Variants in ATOSA observed in about 807,000 individuals in gnomAD.
ATOSA encodes atos homolog protein A.
At chr15:52,642,530 GACTA>G in the ATOSA span, among the ~76,000 whole-genome samples, 2 of 152,204 alleles carry the variant, frequency 1.3e-5, no homozygotes, top group African/African-American at 4.8e-5. Context: ...CACAAGCACA[GACTA>G]ACTCTTACAT....
the ATOSA span, chr15:52,651,933 G>A: frequency 1.6e-5 from 24 of 1,535,162 alleles, no homozygotes; most frequent in African/African-American, 2.7e-5. Flanking sequence ...AAAGGAAGTT[G>A]CCTTCTGGCT....
the ATOSA span, chr15:52,649,716 C>T: frequency 6.6e-6 from 1 of 151,992 alleles, no homozygotes; most frequent in African/African-American, 2.4e-5. Flanking sequence ...AAATAATAGA[C>T]AAATCCAAAA....
chr15:52,678,010 G>A, the ATOSA span: 50 of 1,613,852 alleles, frequency 3.1e-5, no homozygotes, highest in Non-Finnish European at 4.1e-5. Flanking sequence ...ATTTACCTCG[G>A]TCTGGCTTCA....
At chr15:52,675,926 A>G in the ATOSA span, among the ~76,000 whole-genome samples, 1 of 151,898 alleles carries the variant, frequency 6.6e-6, no homozygotes, top group Non-Finnish European at 1.5e-5. Flanking sequence ...AAGAAAAAGA[A>G]AAAAAAAGAG....
chr15:52,653,536 A>G, the ATOSA span, among the ~76,000 whole-genome samples: 1 of 152,174 alleles, frequency 6.6e-6, no homozygotes, highest in African/African-American at 2.4e-5. Flanking sequence ...TGACTCAGAG[A>G]AAGAATGGCA....
At chr15:52,605,022 G>T in the ATOSA span, 1 of 727,078 alleles carries the variant, frequency 1.4e-6, no homozygotes, top group Non-Finnish European at 2.2e-6. Flanking sequence ...TTTCCTTACT[G>T]GAAATTTAAA....
At chr15:52,700,540 T>A in the ATOSA span, among the ~76,000 whole-genome samples, 1 of 152,082 alleles carries the variant, frequency 6.6e-6, no homozygotes, top group African/African-American at 2.4e-5. Context: ...CAAGACCACT[T>A]CAAAAAAAGC....
the ATOSA span, among the ~76,000 whole-genome samples, chr15:52,672,527 G>C: frequency 6.7e-6 from 1 of 149,572 alleles, no homozygotes; most frequent in Non-Finnish European, 1.5e-5. Flanking sequence ...AGTATTGTTA[G>C]TCTGAGTTTA....
chr15:52,602,867 C>T, the ATOSA span, among the ~76,000 whole-genome samples: 1 of 152,210 alleles, frequency 6.6e-6, no homozygotes, highest in Non-Finnish European at 1.5e-5. Flanking sequence ...AACCCTAGTG[C>T]TATTTTAGGT....
the ATOSA span, chr15:52,678,988 C>T: frequency 3.9e-5 from 6 of 153,566 alleles, no homozygotes; most frequent in African/African-American, 1.4e-4. Flanking sequence ...ACCGCTCGCC[C>T]AGCAGCTCAC....
the ATOSA span, among the ~76,000 whole-genome samples, chr15:52,706,936 TG>T: frequency 6.6e-6 from 1 of 152,172 alleles, no homozygotes; most frequent in Non-Finnish European, 1.5e-5. Context: ...GGTTTCTTTC[TG>T]GGGTGCTGAA....
the ATOSA span, among the ~76,000 whole-genome samples, chr15:52,676,715 T>C: frequency 6.6e-6 from 1 of 152,226 alleles, no homozygotes; most frequent in Non-Finnish European, 1.5e-5. Flanking sequence ...AAACATTTTA[T>C]TGTGTTTAAC....
At chr15:52,682,316 T>A in the ATOSA span, among the ~76,000 whole-genome samples, 1 of 152,154 alleles carries the variant, frequency 6.6e-6, no homozygotes, top group African/African-American at 2.4e-5. Flanking sequence ...CCTACTCCCA[T>A]CCCCCATCTG....
the ATOSA span, among the ~76,000 whole-genome samples, chr15:52,701,542 AATTAGAT>A: frequency 6.6e-6 from 1 of 152,218 alleles, no homozygotes; most frequent in African/African-American, 2.4e-5. Flanking sequence ...AGAAAGGATA[AATTAGAT>A]CCTTTCTTCA....
the ATOSA span, among the ~76,000 whole-genome samples, chr15:52,602,396 T>TC: frequency 6.6e-6 from 1 of 152,204 alleles, no homozygotes; most frequent in Admixed American, 6.5e-5. Flanking sequence ...TATATGTGCA[T>TC]CCTCCCATTT....
the ATOSA span, among the ~76,000 whole-genome samples, chr15:52,629,293 T>C: frequency 6.6e-6 from 1 of 152,162 alleles, no homozygotes; most frequent in Non-Finnish European, 1.5e-5. Flanking sequence ...TCCTCGATTA[T>C]GAACAACCTC....
At chr15:52,585,063 T>C in the ATOSA span, 1 of 736,792 alleles carries the variant, frequency 1.4e-6, no homozygotes, top group Non-Finnish European at 2.1e-6. Flanking sequence ...CTGAATATAA[T>C]TCAGTTTCAA....
At chr15:52,651,320 T>C in the ATOSA span, among the ~76,000 whole-genome samples, 1 of 152,186 alleles carries the variant, frequency 6.6e-6, no homozygotes, top group Non-Finnish European at 1.5e-5. Flanking sequence ...AATTAAGAGA[T>C]TGCACAATTT....
the ATOSA span, among the ~76,000 whole-genome samples, chr15:52,636,683 T>C: frequency 2.0e-5 from 3 of 152,196 alleles, no homozygotes; most frequent in Non-Finnish European, 4.4e-5. Flanking sequence ...TATCGTATTT[T>C]GTTATGGCAG....
Sources: gnomAD v4.1 joint callset for allele counts (sites outside exome capture counted in the v4.1 genomes callset) on GRCh38, gnomAD v4.1.1 for gene constraint, MANE v1.5 for transcripts, NCBI Gene and HGNC (gene_info 2026-07-23, HGNC 2026-07-21) for gene names.